SCAND1: variants seen among roughly 807,000 people sequenced by gnomAD.
SCAND1 encodes the protein SCAN domain-containing protein 1.
Under a neutral mutation model 3.4 loss-of-function variants are expected in SCAND1, and 3 were observed. The observed-to-expected ratio is 0.87, with a 90% CI of 0.40 to 2.25. The LOEUF (loss-of-function observed/expected upper bound fraction) is 2.25, where lower values mean the gene tolerates loss of function less well. SCAND1 is among the 30% of genes most tolerant of loss of function. The pLI, the probability that SCAND1 is intolerant of heterozygous loss-of-function variation, is 0.05. For synonymous variants in SCAND1, 152 were observed against 120.5 expected (o/e 1.26, Z -1.72); for missense variants, 303 against 258.8 (o/e 1.17, Z -1.17).
upstream of SCAND1, among the ~76,000 whole-genome samples, chr20:35,958,462 TAATTATA>T (rs2056278997): frequency 6.6e-6 from 1 of 152,184 alleles, no homozygotes; most frequent in Non-Finnish European, 1.5e-5. Context: ...TATTTGGAAA[TAATTATA>T]GATTCATAGA....
chr20:35,954,373 C>A, intron 1 of SCAND1, 34 bp from the exon 2 acceptor site: 1 of 1,584,950 alleles, frequency 6.3e-7, no homozygotes, highest in Admixed American at 1.8e-5. Context: ...GGAGACGTTT[C>A]CGGTTAAAGG....
chr20:35,954,051 G>C lies in SCAND1; in HGVS notation c.234C>G (p.Pro78=). ...ASAALELPLG[P]APVSVAPQAE... ...CCTGAGGCGCTACGCTCACGGGTGC[G>C]GGCCCGAGAGGCAGCTCCAGGGCCG... Residue 78 remains proline, a synonymous_variant, in exon 2 of 2, where the codon CCC becomes CCG. Transcript: ENST00000305978. The C allele has an allele frequency of 6.5e-7, 1 of 1,540,346 alleles. No homozygotes were observed. The highest frequency in any genetic ancestry group is 1.2e-5 in the South Asian group (1 of 83,746).
chr20:35,954,670 G>T, upstream of SCAND1: 10 of 1,229,906 alleles, frequency 8.1e-6, no homozygotes, highest in Non-Finnish European at 1.1e-5. Context: ...GCGCCAGTTC[G>T]AGGAGGAGTC....
Position 35,954,438 on chromosome 20 carries a change from C to G in SCAND1, c.-56+10G>C. 1 of 1,549,690 alleles carries G rather than the reference C, an allele frequency of 6.5e-7. No homozygotes were observed. Among genetic ancestry groups the G allele is most frequent in the East Asian group, 2.4e-5 (1 of 40,886 alleles). ...GGACTCGGGACCGGCCGAGAGTGTG[C>G]GGAGCTTACCTGCACCAGCGAAGCG... On this transcript the variant is annotated intron_variant, in intron 1 of 1. Transcript: ENST00000305978.
Position 35,953,748 on chromosome 20 carries a change from G to A in SCAND1, c.537C>T (p.Gly179=). 1 of 1,441,566 alleles carries A rather than the reference G, an allele frequency of 6.9e-7. No homozygotes were observed. The highest frequency in any genetic ancestry group is 9.1e-7 in the Non-Finnish European group (1 of 1,101,592). The allele number at this position is 1,441,566 out of a possible 1,614,324, so 89.3% of individuals were successfully genotyped here. ...TGGCCGCCCGCAGCTCCACCGCTCA[G>A]CCAGTGATGCGCACATCCGTGCGGC... ...IRRRTDVRIT[G] is the part of the protein sequence containing the mutation. The change falls in exon 2 of 2, where the codon GGC becomes GGT. Residue 179 remains glycine (G), a synonymous_variant. Transcript: ENST00000305978.
chr20:35,953,681 C>T lies in SCAND1; in HGVS notation c.*64G>A. 8.9e-7 allele frequency: 1 copy of T among 1,128,492 alleles called. No homozygotes were observed. The highest frequency in any genetic ancestry group is 1.2e-6 in the Non-Finnish European group (1 of 850,048). 69.9% of individuals were successfully genotyped at this position (1,128,492 alleles called of 1,614,324 possible). A position where few individuals can be genotyped will look rare whatever the true frequency, so the allele number is the denominator to read the frequency against. On this transcript the variant is annotated 3_prime_UTR_variant, in exon 2 of 2. Coordinates refer to ENST00000305978, the MANE Select transcript of SCAND1 (RefSeq NM_033630.3). ...GGGTGGGGTCCCAGGCTCAGGCCCC[C>T]GGGCCCGATCATGGCCCCAGTCCGC... is the stretch of plus-strand genomic sequence containing the variant.
At position 35,954,440 on chromosome 20, in the gene SCAND1, G is replaced by GA. The variant is rs1421346169; in HGVS notation, c.-56+7dup. ...ACTCGGGACCGGCCGAGAGTGTGCG[G>GA]AGCTTACCTGCACCAGCGAAGCGCC... On this transcript the variant is annotated splice_region_variant and intron_variant, in intron 1 of 1. Coordinates refer to ENST00000305978, the MANE Select transcript of SCAND1 (RefSeq NM_033630.3). 1.9e-6 allele frequency: 3 copies of GA among 1,549,736 alleles called. No individual in the cohort carries two copies. Among genetic ancestry groups the GA allele is most frequent in the Non-Finnish European group, 2.6e-6 (3 of 1,146,916 alleles).
chr20:35,954,101 G>A lies in SCAND1; in HGVS notation c.184C>T (p.Pro62Ser). 6.5e-7 allele frequency: 1 copy of A among 1,539,988 alleles called. No individual in the cohort carries two copies. Among genetic ancestry groups the A allele is most frequent in the Non-Finnish European group, 8.8e-7 (1 of 1,139,288 alleles). ...GCGGAGGCCGCAGCTCGGGGCGTAGGGATGGCTTCAGGGACCGCGGCGTTG... is the reference window on the plus strand; with the variant it reads ...GCGGAGGCCGCAGCTCGGGGCGTAGAGATGGCTTCAGGGACCGCGGCGTTG... ...SPNAAVPEAIPTPRAAASAAL... is the reference protein window; with the variant it reads ...SPNAAVPEAISTPRAAASAAL... Residue 62 changes from proline to serine, a missense_variant, in exon 2 of 2, where the codon CCT becomes TCT. Transcript: ENST00000305978.
At chr20:35,959,333 A>G (rs191837894), upstream of SCAND1, 16 of 152,270 alleles carry the variant, frequency 1.1e-4, no homozygotes, top group Admixed American at 6.5e-4. Context: ...TTATTAGTGT[A>G]TTAGTCTGTT....
chr20:35,954,772 C>T (rs1362401576), upstream of SCAND1: 6 of 479,700 alleles, frequency 1.3e-5, no homozygotes, highest in East Asian at 7.8e-5. Context: ...TGCGTGCGGG[C>T]GCCCCTTCTG....
At chr20:35,959,341 G>T (rs1300674516), upstream of SCAND1, 1 of 152,120 alleles carries the variant, frequency 6.6e-6, no homozygotes, top group African/African-American at 2.4e-5. Flanking sequence ...GTATTAGTCT[G>T]TTCTCATGCT....
At position 35,953,906 on chromosome 20, in the gene SCAND1, G is replaced by T; in HGVS notation, c.379C>A (p.Arg127=). 1 of 1,555,598 alleles carries T rather than the reference G, an allele frequency of 6.4e-7. No homozygotes were observed. The highest frequency in any genetic ancestry group is 1.2e-5 in the South Asian group (1 of 86,170). Residue 127 remains arginine (R), a synonymous_variant, in exon 2 of 2, where the codon CGG becomes AGG. Transcript: ENST00000305978. The stretch of plus-strand genomic sequence containing the variant: ...TGGCGGGACAGCTCCCGCAGCTGCC[G>T]GAAAGCCTCCCGGGGACCCGCCGCA... The part of the protein sequence containing the change: ...QDAAGPREAF[R]QLRELSRQWL...
At chr20:35,958,289 G>T (rs1305768865), upstream of SCAND1, among the ~76,000 whole-genome samples, 1 of 152,038 alleles carries the variant, frequency 6.6e-6, no homozygotes, top group Non-Finnish European at 1.5e-5. Flanking sequence ...AAAATTAGCT[G>T]GGCATGGTGG....
Position 35,953,762 on chromosome 20 carries a change from C to A in SCAND1, c.523G>T (p.Val175Leu), listed in dbSNP as rs943803741. 2 of 1,476,582 alleles carry A rather than the reference C, an allele frequency of 1.4e-6. No individual in the cohort carries two copies. Among genetic ancestry groups the A allele is most frequent in the Admixed American group, 2.2e-5 (1 of 44,676 alleles). 91.5% of individuals were successfully genotyped at this position (1,476,582 alleles called of 1,614,324 possible). A position where few individuals can be genotyped will look rare whatever the true frequency, so the allele number is the denominator to read the frequency against. ...TCCACCGCTCAGCCAGTGATGCGCA[C>A]ATCCGTGCGGCGGCGGATCCGCCGG... ...RARRIRRRTDVRITG is the reference protein window; with the variant it reads ...RARRIRRRTDLRITG Residue 175 changes from valine to leucine, a missense_variant, in exon 2 of 2, where the codon GTG becomes TTG. Physicochemically the swap from Val to Leu is conservative, Grantham distance 32 (BLOSUM62 1). Coordinates refer to ENST00000305978, the MANE Select transcript of SCAND1 (RefSeq NM_033630.3).
upstream of SCAND1, among the ~76,000 whole-genome samples, chr20:35,957,180 A>G (rs2056264870): frequency 6.6e-6 from 1 of 152,156 alleles, no homozygotes; most frequent in Non-Finnish European, 1.5e-5. Flanking sequence ...GTCAGACTGG[A>G]AGGGCCCTTA....
upstream of SCAND1, chr20:35,954,614 C>T (rs1412191867): frequency 2.4e-5 from 33 of 1,353,454 alleles, no homozygotes; most frequent in Non-Finnish European, 3.1e-5. Context: ...TGCGGGAGGG[C>T]GAGCTGCGCG....
rs2147151754 is a variant in SCAND1 at position 35,953,697 on chromosome 20, C to T, written c.*48G>A. 7.8e-7 allele frequency: 1 copy of T among 1,286,044 alleles called. No individual in the cohort carries two copies. The highest frequency in any genetic ancestry group is 2.9e-5 in the East Asian group (1 of 33,936). 79.7% of individuals were successfully genotyped at this position (1,286,044 alleles called of 1,614,324 possible). On this transcript the variant is annotated 3_prime_UTR_variant, in exon 2 of 2. Coordinates refer to ENST00000305978, the MANE Select transcript of SCAND1 (RefSeq NM_033630.3). Reference sequence around the variant, plus strand: ...TCAGGCCCCCGGGCCCGATCATGGCCCCAGTCCGCACAGAGCGCCCGGCCC... The same window carrying T: ...TCAGGCCCCCGGGCCCGATCATGGCTCCAGTCCGCACAGAGCGCCCGGCCC...
chr20:35,959,378 G>A (rs1269222761), upstream of SCAND1: 3 of 152,182 alleles, frequency 2.0e-5, no homozygotes, highest in East Asian at 3.9e-4. Flanking sequence ...CCAAGACTGG[G>A]TAATTTATAA....
upstream of SCAND1, chr20:35,957,582 A>G (rs1441000429): frequency 6.6e-6 from 1 of 152,246 alleles, no homozygotes; most frequent in East Asian, 1.9e-4. Flanking sequence ...AATCTGAAAA[A>G]AAACATATAA....
Sources: allele counts gnomAD v4.1 joint callset (sites outside exome capture counted in the v4.1 genomes callset), GRCh38; gene constraint gnomAD v4.1.1; transcripts MANE v1.5; gene names NCBI Gene and HGNC (gene_info 2026-07-23, HGNC 2026-07-21).